EPHA6: variants seen among roughly 807,000 people sequenced by gnomAD.
EPHA6 encodes EPH receptor A6.
A neutral mutation model predicts 112.0 loss-of-function variants in EPHA6; 50 were observed. That is an observed-to-expected ratio of 0.45 (90% confidence interval 0.36 to 0.56). EPHA6 has a LOEUF of 0.56. Among genes scored for constraint, EPHA6 ranks in the 20% least tolerant of loss-of-function variants. The probability of loss-of-function intolerance (pLI) is 0.00; values close to 1 mark genes in which losing one functional copy is unlikely to be tolerated. For synonymous variants in EPHA6, 529 were observed against 490.7 expected (o/e 1.08, Z -1.03); for missense variants, 1,280 against 1,417.4 (o/e 0.90, Z 1.56).
chr3:97,643,518 C>A (rs1474265635), intron 14 of EPHA6, among the ~76,000 whole-genome samples: 3 of 145,800 alleles, frequency 2.1e-5, no homozygotes, highest in African/African-American at 7.5e-5. Context: ...AGAGTCAAGA[C>A]CCATCAGTGT....
At chr3:96,940,887 G>A (rs1240405234) in intron 2 of EPHA6, among the ~76,000 whole-genome samples, 3 of 152,130 alleles carry the variant, frequency 2.0e-5, no homozygotes, top group African/African-American at 7.2e-5. Context: ...TGAAATTCTG[G>A]GTTGAAAATT....
intron 2 of EPHA6, among the ~76,000 whole-genome samples, chr3:96,886,418 A>G (rs570504459): frequency 2.6e-5 from 4 of 152,268 alleles, no homozygotes; most frequent in Non-Finnish European, 4.4e-5. Flanking sequence ...GCCTTTTACC[A>G]TTATATAATG....
At chr3:97,573,873 A>G (rs2093357654) in intron 11 of EPHA6, among the ~76,000 whole-genome samples, 1 of 151,594 alleles carries the variant, frequency 6.6e-6, no homozygotes, top group Non-Finnish European at 1.5e-5. Context: ...TATTGATTTA[A>G]TATTAATCAA....
chr3:97,061,268 T>C (rs569758818), intron 3 of EPHA6, among the ~76,000 whole-genome samples: 2 of 152,216 alleles, frequency 1.3e-5, no homozygotes, highest in African/African-American at 4.8e-5. Flanking sequence ...ACTATGAAAG[T>C]TTTCCTTTAA....
chr3:97,152,308 G>A (rs559464745), intron 3 of EPHA6, among the ~76,000 whole-genome samples: 1 of 151,804 alleles, frequency 6.6e-6, no homozygotes, highest in South Asian at 2.1e-4. Context: ...ATATTAACAG[G>A]TGGAGATAAA....
At chr3:97,640,800 T>C (rs1031808095) in intron 14 of EPHA6, among the ~76,000 whole-genome samples, 17 of 151,466 alleles carry the variant, frequency 1.1e-4, no homozygotes, top group African/African-American at 4.1e-4. Context: ...ACAAAAGATA[T>C]TATTGAAACA....
chr3:96,938,360 C>T (rs1459054587), intron 2 of EPHA6, among the ~76,000 whole-genome samples: 1 of 150,900 alleles, frequency 6.6e-6, no homozygotes, highest in Non-Finnish European at 1.5e-5. Context: ...ATTTTATTCT[C>T]TTTGAAGCAA....
At chr3:97,162,268 A>G (rs995016310) in intron 3 of EPHA6, among the ~76,000 whole-genome samples, 2 of 152,078 alleles carry the variant, frequency 1.3e-5, no homozygotes, top group African/African-American at 4.8e-5. Flanking sequence ...CTGGTTTACA[A>G]TTTTCCTAGG....
intron 7 of EPHA6, among the ~76,000 whole-genome samples, chr3:97,452,780 C>T (rs897079624): frequency 4.5e-4 from 69 of 151,742 alleles, no homozygotes; most frequent in African/African-American, 1.6e-3. Context: ...CACACACACA[C>T]ACACTGGTCA....
At chr3:96,995,925 C>T (rs545078599) in intron 3 of EPHA6, among the ~76,000 whole-genome samples, 1 of 152,122 alleles carries the variant, frequency 6.6e-6, no homozygotes, top group Admixed American at 6.6e-5. Context: ...ATGAAGTTAG[C>T]CACTTCAGTT....
At chr3:96,947,601 A>G (rs908219797) in intron 2 of EPHA6, among the ~76,000 whole-genome samples, 3 of 152,176 alleles carry the variant, frequency 2.0e-5, no homozygotes, top group Admixed American at 2.0e-4. Flanking sequence ...TTATACACCA[A>G]CAAGAGACAA....
chr3:96,895,116 A>G (rs1183460693), intron 2 of EPHA6, among the ~76,000 whole-genome samples: 2 of 152,158 alleles, frequency 1.3e-5, no homozygotes, highest in African/African-American at 4.8e-5. Context: ...TCCAGAAGGC[A>G]TTGCCATCAT....
rs539778657 is a variant in EPHA6, at chr3:96,942,734, G to T, written c.451-44596G>T. On this transcript the variant is annotated intron_variant, in intron 2 of 17. Coordinates refer to ENST00000389672, the MANE Select transcript of EPHA6 (RefSeq NM_001080448.3). ...ATGCTGGGAGCTGTAGACCGGAGCT[G>T]TTCCTATTCGGCCATCTTGGCTCCC... is the stretch of plus-strand genomic sequence containing the variant. Among the ~76,000 whole-genome samples, 304 of 152,342 alleles carry T rather than the reference G, an allele frequency of 2.0e-3. 1 individual carries two copies. Among genetic ancestry groups the T allele is most frequent in the Non-Finnish European group, 3.6e-3 (247 of 68,038 alleles).
intron 3 of EPHA6, among the ~76,000 whole-genome samples, chr3:97,181,858 T>G (rs2076997103): frequency 6.6e-6 from 1 of 152,130 alleles, no homozygotes; most frequent in East Asian, 1.9e-4. Context: ...TGTCACCTTC[T>G]TTTCGATGGC....
intron 2 of EPHA6, among the ~76,000 whole-genome samples, chr3:96,897,057 G>A (rs2038311200): frequency 6.6e-6 from 1 of 150,458 alleles, no homozygotes; most frequent in African/African-American, 2.5e-5. Context: ...TCACTGTTAA[G>A]GACTCTATAC....
Position 97,739,836 on chromosome 3 carries a change from T to C in EPHA6, c.3128+3718T>C, listed in dbSNP as rs373160474. 9.2e-5 allele frequency among the ~76,000 whole-genome samples: 14 copies of C among 152,268 alleles called. No individual in the cohort carries two copies. The South Asian group carries it at 2.7e-3, about 29-fold the overall frequency. On this transcript the variant is annotated intron_variant, in intron 16 of 17. Transcript: ENST00000389672. ...AGAACCACTGTATTAATATAGGCAG[T>C]TATCCTTTCATAAATGTGAATTTCA...
chr3:97,310,992 G>A (rs1486557609), intron 5 of EPHA6, among the ~76,000 whole-genome samples: 1 of 151,602 alleles, frequency 6.6e-6, no homozygotes, highest in East Asian at 2.0e-4. Context: ...TTTCCCACCT[G>A]GAGACAGCTT....
At position 96,942,127 on chromosome 3, in the gene EPHA6, A is replaced by G. The variant is rs556209786; in HGVS notation, c.451-45203A>G. ...CCAGCTGCGTGCTGGGAGAACCACT[A>G]CTCTCCTCAAAGCTGTCAGACAGGG... On this transcript the variant is annotated intron_variant, in intron 2 of 17. Coordinates refer to ENST00000389672, the MANE Select transcript of EPHA6 (RefSeq NM_001080448.3). 6.6e-5 allele frequency among the ~76,000 whole-genome samples: 10 copies of G among 151,960 alleles called. No individual in the cohort carries two copies. The South Asian group carries it at 2.1e-3, about 32-fold the overall frequency.
At chr3:97,483,770 C>A (rs1168572488) in intron 9 of EPHA6, among the ~76,000 whole-genome samples, 164 bp from the exon 10 acceptor site, 1 of 152,074 alleles carries the variant, frequency 6.6e-6, no homozygotes, top group Non-Finnish European at 1.5e-5. Flanking sequence ...AAATTTTTGA[C>A]CCTCGTAGTC....
Sources: allele counts gnomAD v4.1 joint callset (sites outside exome capture counted in the v4.1 genomes callset), GRCh38; gene constraint gnomAD v4.1.1; transcripts MANE v1.5; gene names NCBI Gene and HGNC (gene_info 2026-07-23, HGNC 2026-07-21).